Variants in RALGAPA1 observed in about 807,000 individuals in gnomAD.
The protein encoded by RALGAPA1 is ral GTPase-activating protein subunit alpha-1.
In RALGAPA1, 52 loss-of-function variants were observed where a neutral mutation model predicts 269.6. The observed-to-expected ratio is 0.19, with a 90% confidence interval of 0.15 to 0.24. The LOEUF (loss-of-function observed/expected upper bound fraction) is 0.24. Ranked by LOEUF, RALGAPA1 falls within the 10% of genes least tolerant of loss-of-function variation. The pLI is 1.00. For missense variants in RALGAPA1, 1,917 were observed against 3,013.9 expected, an observed-to-expected ratio of 0.64 and a Z score of 8.52; for synonymous variants, 817 against 1,008.3, an observed-to-expected ratio of 0.81 and a Z score of 3.60.
In RALGAPA1 at chr14:35,635,528, G is replaced by C. The variant is rs1463274907; in HGVS notation, c.5747C>G (p.Pro1916Arg). The change falls in exon 32 of 42, where the codon CCA becomes CGA. Residue 1916 changes from proline (P) to arginine (R), a missense_variant. Physicochemically the swap from Pro to Arg is moderately radical, Grantham distance 103. Transcript: ENST00000680220. ...GCTTTCTGCTCCCGTAGCATGAAATGGTTGGAGCAGTGTCTTTAGAGGTAA... is the reference window on the plus strand; with the variant it reads ...GCTTTCTGCTCCCGTAGCATGAAATCGTTGGAGCAGTGTCTTTAGAGGTAA... ...MALPLKTLLQ[P>R]FHATGAESDK... 6.2e-7 allele frequency: 1 copy of C among 1,609,390 alleles called. No individual in the cohort carries two copies. Among genetic ancestry groups the C allele is most frequent in the African/African-American group, 1.3e-5 (1 of 74,760 alleles).
At chr14:35,755,664 G>A (rs979732598) in intron 7 of RALGAPA1, among the ~76,000 whole-genome samples, 4 of 152,114 alleles carry the variant, frequency 2.6e-5, no homozygotes, top group African/African-American at 9.7e-5. Flanking sequence ...TAAGCACTGT[G>A]CACTATTTAG....
At chr14:35,660,089 A>G (rs144497234) in intron 27 of RALGAPA1, among the ~76,000 whole-genome samples, 2 of 152,248 alleles carry the variant, frequency 1.3e-5, no homozygotes, top group African/African-American at 4.8e-5. Flanking sequence ...AAAAGCTGAA[A>G]GGTTTTACTT....
chr14:35,673,168 G>C (rs2064631274), intron 24 of RALGAPA1, 146 bp from the exon 25 acceptor site: 3 of 929,154 alleles, frequency 3.2e-6, no homozygotes, highest in Non-Finnish European at 4.4e-6. Context: ...TTCAGGATTA[G>C]TGAAATTATC....
intron 37 of RALGAPA1, among the ~76,000 whole-genome samples, chr14:35,582,378 A>C (rs769768973): frequency 2.8e-4 from 42 of 152,262 alleles, no homozygotes; most frequent in Non-Finnish European, 5.1e-4. Flanking sequence ...CTTTGATCTA[A>C]CAACAAATAA....
intron 3 of RALGAPA1, among the ~76,000 whole-genome samples, chr14:35,773,007 A>G (rs1306575136): frequency 1.3e-5 from 2 of 152,166 alleles, no homozygotes; most frequent in Non-Finnish European, 2.9e-5. Flanking sequence ...TGTCCTCCCT[A>G]TGTCTCCCAC....
chr14:35,770,781 A>G (rs1179415323), intron 4 of RALGAPA1, among the ~76,000 whole-genome samples, 161 bp downstream of exon 4: 1 of 152,156 alleles, frequency 6.6e-6, no homozygotes, highest in Non-Finnish European at 1.5e-5. Context: ...TCCTTCATCT[A>G]TAATTTTTCT....
At chr14:35,786,897 G>C (rs1750489535) in intron 1 of RALGAPA1, among the ~76,000 whole-genome samples, 1 of 152,096 alleles carries the variant, frequency 6.6e-6, no homozygotes, top group Non-Finnish European at 1.5e-5. Flanking sequence ...AAAAAGGTTT[G>C]TGGGACGTAC....
rs557309425 is a variant in RALGAPA1, at chr14:35,646,014, G to C, written c.5676+5791C>G. 2.6e-4 allele frequency among the ~76,000 whole-genome samples: 40 copies of C among 152,192 alleles called. 1 individual carries two copies. Among genetic ancestry groups the C allele is most frequent in the Admixed American group, 2.4e-3 (36 of 15,292 alleles). On this transcript the variant is annotated intron_variant, in intron 31 of 41. Coordinates refer to ENST00000680220, the MANE Select transcript of RALGAPA1 (RefSeq NM_001346249.2). ...ATTTTGAGCACCAAAATAAATAATA[G>C]TTAAGGATTACAAATCATTGCATAA... is the stretch of plus-strand genomic sequence containing the variant.
intron 37 of RALGAPA1, among the ~76,000 whole-genome samples, chr14:35,573,836 C>T (rs1226948153): frequency 6.6e-6 from 1 of 152,130 alleles, no homozygotes; most frequent in Non-Finnish European, 1.5e-5. Context: ...TTCATAATTT[C>T]ATTTTTTAAT....
In RALGAPA1 at chr14:35,570,682, C is replaced by G. The variant is rs761601255; in HGVS notation, c.7431G>C (p.Met2477Ile). 1.2e-6 allele frequency: 2 copies of G among 1,611,316 alleles called. No homozygotes were observed. The highest frequency in any genetic ancestry group is 3.4e-5 in the Admixed American group (2 of 59,684). The change falls in exon 39 of 42, where the codon ATG becomes ATC. Residue 2477 changes from methionine to isoleucine, a missense_variant. Around this residue, in one of 11 missense-constraint regions of RALGAPA1, gnomAD observed 91 missense variants for 130.9 expected, o/e 0.70. Transcript: ENST00000680220. ...AIVNGKVLPI[M>I]VRATAINASR... ...TTGCATTTATAGCTGTTGCTCTAAC[C>G]ATAATGGGTAGAACCTTTCCATTCA...
intron 7 of RALGAPA1, among the ~76,000 whole-genome samples, chr14:35,753,030 G>C (rs759723724): frequency 1.8e-4 from 27 of 152,168 alleles, no homozygotes; most frequent in Non-Finnish European, 2.9e-5. Flanking sequence ...GGATTTGTGT[G>C]TGTCTGTGTC....
intron 37 of RALGAPA1, among the ~76,000 whole-genome samples, chr14:35,576,510 T>C (rs752533753): frequency 3.3e-5 from 5 of 152,198 alleles, no homozygotes; most frequent in Non-Finnish European, 7.3e-5. Context: ...AATTCCAGTG[T>C]CTTCATTTAC....
chr14:35,701,017 TCATAAA>T (rs2067298427), intron 16 of RALGAPA1, among the ~76,000 whole-genome samples: 1 of 152,150 alleles, frequency 6.6e-6, no homozygotes, highest in Non-Finnish European at 1.5e-5. Flanking sequence ...CTTATTCAAA[TCATAAA>T]CATAAAAACT....
chr14:35,634,113 T>G (rs1325909007), intron 33 of RALGAPA1, among the ~76,000 whole-genome samples: 1 of 152,110 alleles, frequency 6.6e-6, no homozygotes, highest in African/African-American at 2.4e-5. Context: ...ATATAAAATA[T>G]CAAAAAGAAC....
At chr14:35,799,106 C>A (rs2076788178) in intron 1 of RALGAPA1, among the ~76,000 whole-genome samples, 2 of 151,328 alleles carry the variant, frequency 1.3e-5, no homozygotes, top group Non-Finnish European at 2.9e-5. Context: ...CTTGTTTAAA[C>A]AAAATAATAT....
At position 35,750,423 on chromosome 14, in the gene RALGAPA1, T is replaced by C. The variant is rs1403688632; in HGVS notation, c.1011+59A>G. 5.3e-6 allele frequency: 7 copies of C among 1,315,846 alleles called. No homozygotes were observed. In the African/African-American group the frequency reaches 5.9e-5, roughly 11 times the overall value. The allele number at this position is 1,315,846 out of a possible 1,614,324, so 81.5% of individuals were successfully genotyped here. Reference sequence around the variant, plus strand: ...CTCCACCTAAGGCAACTGAACTCAATGGACTAAATCTCAAAAGCCATTTCT... The same window carrying C: ...CTCCACCTAAGGCAACTGAACTCAACGGACTAAATCTCAAAAGCCATTTCT... On this transcript the variant is annotated intron_variant, in intron 9 of 41. Transcript: ENST00000680220.
chr14:35,722,163 C>T (rs2069477508), intron 15 of RALGAPA1, among the ~76,000 whole-genome samples: 1 of 152,190 alleles, frequency 6.6e-6, no homozygotes, highest in Non-Finnish European at 1.5e-5. Context: ...AAACAAAACC[C>T]ATCCTGTGGT....
At chr14:35,678,820 A>G (rs191332104) in intron 21 of RALGAPA1, among the ~76,000 whole-genome samples, 2 of 152,134 alleles carry the variant, frequency 1.3e-5, no homozygotes, top group East Asian at 3.9e-4. Flanking sequence ...ATGGAGCCCT[A>G]ATCCTCTTTT....
intron 1 of RALGAPA1, among the ~76,000 whole-genome samples, chr14:35,797,581 C>T (rs1003316361): frequency 6.6e-6 from 1 of 151,944 alleles, no homozygotes; most frequent in Non-Finnish European, 1.5e-5. Flanking sequence ...TGCAGTGGCT[C>T]ACGCCTGTAA....
Sources: allele counts gnomAD v4.1 joint callset (sites outside exome capture counted in the v4.1 genomes callset), GRCh38; gene constraint gnomAD v4.1.1; regional missense constraint gnomAD v4.1.1; transcripts MANE v1.5; gene names NCBI Gene and HGNC (gene_info 2026-07-23, HGNC 2026-07-21).